Variants in ARMC9 observed in about 807,000 individuals in gnomAD.
ARMC9 encodes armadillo repeat containing 9.
ARMC9 carries 94 observed loss-of-function variants against 107.0 expected under a neutral mutation model. The ratio of observed to expected loss-of-function variants is 0.88; its 90% CI spans 0.74 to 1.04. The LOEUF (loss-of-function observed/expected upper bound fraction) is 1.04, where lower values mean the gene tolerates loss of function less well. Among genes scored for constraint, ARMC9 ranks in the 50% least tolerant of loss-of-function variants. The probability of loss-of-function intolerance (pLI) is 0.00; values close to 1 mark genes in which losing one functional copy is unlikely to be tolerated. For synonymous variants in ARMC9, 380 were observed against 396.9 expected, an observed-to-expected ratio of 0.96 and a Z score of 0.51; for missense variants, 942 against 1,030.1, an observed-to-expected ratio of 0.91 and a Z score of 1.17.
chr2:231,314,784 T>G (rs1398652699), intron 19 of ARMC9, among the ~76,000 whole-genome samples: 2 of 152,274 alleles, frequency 1.3e-5, no homozygotes, highest in Non-Finnish European at 2.9e-5. Flanking sequence ...CTTTGTTGTT[T>G]TAACTCCTAT....
At chr2:231,286,258 G>A (rs1047263233) in intron 17 of ARMC9, among the ~76,000 whole-genome samples, 1 of 152,190 alleles carries the variant, frequency 6.6e-6, no homozygotes, top group Admixed American at 6.5e-5. Flanking sequence ...TGGGATTACA[G>A]GTGCCCACCA....
At chr2:231,218,010 CAG>C (rs2033715105) in intron 5 of ARMC9, among the ~76,000 whole-genome samples, 2 of 152,058 alleles carry the variant, frequency 1.3e-5, no homozygotes, top group Non-Finnish European at 2.9e-5. Context: ...TTTTTGGAGA[CAG>C]AGTCTCATTC....
Position 231,253,415 on chromosome 2 carries a change from G to C in ARMC9, c.880-3171G>C, listed in dbSNP as rs117700397. Among the ~76,000 whole-genome samples the C allele has an allele frequency of 2.5e-3, 374 of 152,228 alleles. 3 individuals are homozygous for C. Among genetic ancestry groups the C allele is most frequent in the East Asian group, 0.021 (108 of 5,186 alleles). ...CAGGCCGGGGCCACTGTGCCTGGCTGATCTGAGCCATGTAAAAGTGGTGTT... is the reference window on the plus strand; with the variant it reads ...CAGGCCGGGGCCACTGTGCCTGGCTCATCTGAGCCATGTAAAAGTGGTGTT... On this transcript the variant is annotated intron_variant, in intron 9 of 24. Coordinates refer to ENST00000611582, the MANE Select transcript of ARMC9 (RefSeq NM_001352754.2).
chr2:231,264,873 G>A (rs891304349), intron 12 of ARMC9, among the ~76,000 whole-genome samples: 9 of 151,992 alleles, frequency 5.9e-5, no homozygotes, highest in African/African-American at 1.9e-4. Context: ...TTGGTAGGCC[G>A]AGGCGGGTGG....
intron 8 of ARMC9, among the ~76,000 whole-genome samples, chr2:231,237,952 T>C (rs2035929916): frequency 6.6e-6 from 1 of 151,654 alleles, no homozygotes; most frequent in Non-Finnish European, 1.5e-5. Flanking sequence ...ACTGAGGGTT[T>C]GATCCAAAGT....
intron 8 of ARMC9, among the ~76,000 whole-genome samples, chr2:231,238,781 G>A (rs1251084411): frequency 4.6e-5 from 7 of 152,352 alleles, no homozygotes; most frequent in Non-Finnish European, 1.0e-4. Flanking sequence ...CACTTCACAT[G>A]TAGCTATGTA....
At chr2:231,347,813 C>A (rs904100455) in intron 21 of ARMC9, among the ~76,000 whole-genome samples, 4 of 152,198 alleles carry the variant, frequency 2.6e-5, no homozygotes, top group African/African-American at 9.7e-5. Context: ...CTAAATATTG[C>A]ATAGAAAAAT....
At chr2:231,300,043 G>A (rs2041628139) in intron 19 of ARMC9, among the ~76,000 whole-genome samples, 1 of 152,210 alleles carries the variant, frequency 6.6e-6, no homozygotes, top group Non-Finnish European at 1.5e-5. Flanking sequence ...AAGCTTAGGA[G>A]CCTGGTTCCG....
At chr2:231,215,800 T>A (rs1043829626) in intron 4 of ARMC9, among the ~76,000 whole-genome samples, 8 of 152,198 alleles carry the variant, frequency 5.3e-5, no homozygotes, top group African/African-American at 1.9e-4. Context: ...AGCAGGACCA[T>A]ACATTGTGGT....
chr2:231,311,375 T>A (rs1480402400), intron 19 of ARMC9, among the ~76,000 whole-genome samples: 1 of 152,182 alleles, frequency 6.6e-6, no homozygotes, highest in Non-Finnish European at 1.5e-5. Flanking sequence ...GCCGTATCAG[T>A]GTGGTTCTCC....
chr2:231,320,389 A>G (rs374800577), intron 19 of ARMC9, among the ~76,000 whole-genome samples: 1 of 152,206 alleles, frequency 6.6e-6, no homozygotes, highest in Non-Finnish European at 1.5e-5. Context: ...CTTGCTCCCC[A>G]TCACTTGGCA....
At chr2:231,225,303 A>G (rs1009939319) in intron 6 of ARMC9, among the ~76,000 whole-genome samples, 2 of 152,236 alleles carry the variant, frequency 1.3e-5, no homozygotes, top group Non-Finnish European at 2.9e-5. Context: ...TAGAGTTACC[A>G]CATGACCCAG....
Position 231,332,988 on chromosome 2 carries a change from C to T in ARMC9, c.1878+1091C>T, listed in dbSNP as rs551184582. ...GCCAGAGCCTTGGGAAGGAGAAAGA[C>T]GATGCATGCAGGTGGCCTGAGGCTT... On this transcript the variant is annotated intron_variant, in intron 20 of 24. Coordinates refer to ENST00000611582, the MANE Select transcript of ARMC9 (RefSeq NM_001352754.2). Among the ~76,000 whole-genome samples the T allele has an allele frequency of 3.3e-4, 51 of 152,270 alleles. No homozygotes were observed. The South Asian group carries it at 0.01, about 30-fold the overall frequency.
chr2:231,230,026 TAA>T (rs1195617195), intron 7 of ARMC9, among the ~76,000 whole-genome samples: 1 of 152,132 alleles, frequency 6.6e-6, no homozygotes, highest in Admixed American at 6.6e-5. Context: ...ATGGTTTTAT[TAA>T]AATAACATGG....
intron 19 of ARMC9, among the ~76,000 whole-genome samples, chr2:231,317,317 C>A (rs930929837): frequency 3.9e-5 from 6 of 151,924 alleles, no homozygotes; most frequent in African/African-American, 1.5e-4. Flanking sequence ...ATTACAGGCG[C>A]CTGCCACCAT....
rs950016269 is a variant in ARMC9 at position 231,360,571 on chromosome 2, G to A, written c.2132-183G>A. The stretch of plus-strand genomic sequence containing the variant: ...ACCAGCAGTGTGCCTGCCATCCCCC[G>A]CTACCTGGCAAGTTCCCGGGCTGCA... On this transcript the variant is annotated intron_variant, in intron 22 of 24. Transcript: ENST00000611582. This position sits in a 1 kb window ranked among gnomAD's most constrained non-coding sequence, Gnocchi z 4.7. Among the ~76,000 whole-genome samples, 2 of 152,118 alleles carry A rather than the reference G, an allele frequency of 1.3e-5. No individual in the cohort carries two copies. Among genetic ancestry groups the A allele is most frequent in the South Asian group, 2.1e-4 (1 of 4,828 alleles).
intron 7 of ARMC9, among the ~76,000 whole-genome samples, chr2:231,227,337 T>A (rs2034741035): frequency 6.6e-6 from 1 of 152,180 alleles, no homozygotes; most frequent in Non-Finnish European, 1.5e-5. Context: ...TGAGAAAAAG[T>A]GTAGTTAATA....
chr2:231,272,458 G>T (rs2039418834), intron 13 of ARMC9, among the ~76,000 whole-genome samples: 1 of 151,722 alleles, frequency 6.6e-6, no homozygotes, highest in Non-Finnish European at 1.5e-5. Context: ...GCCTCCCAAA[G>T]TGCTAGGGTT....
At chr2:231,352,996 C>T (rs1328322280) in intron 21 of ARMC9, among the ~76,000 whole-genome samples, 1 of 109,442 alleles carries the variant, frequency 9.1e-6, no homozygotes, top group Non-Finnish European at 1.6e-5. Flanking sequence ...GGTCAAGAGA[C>T]CTTTAAATTT....
Sources: allele counts gnomAD v4.1 joint callset (sites outside exome capture counted in the v4.1 genomes callset), GRCh38; gene constraint gnomAD v4.1.1; non-coding constraint Gnocchi (gnomAD v3.1); transcripts MANE v1.5; gene names NCBI Gene and HGNC (gene_info 2026-07-23, HGNC 2026-07-21).